The following IMMP2L variants were observed in gnomAD, a reference collection of about 807,000 sequenced individuals.
IMMP2L encodes mitochondrial inner membrane protease subunit 2.
Under a neutral mutation model 19.3 loss-of-function variants are expected in IMMP2L, and 18 were observed. The ratio of observed to expected loss-of-function variants is 0.93; its 90% CI spans 0.64 to 1.38. IMMP2L has a LOEUF of 1.38. Ranked by LOEUF, IMMP2L falls within the 40% of genes most tolerant of loss-of-function variation. The probability of loss-of-function intolerance (pLI) is 0.00; values close to 1 mark genes in which losing one functional copy is unlikely to be tolerated. For synonymous variants in IMMP2L, 76 were observed against 73.0 expected (o/e 1.04, Z -0.21); for missense variants, 233 against 218.2 (o/e 1.07, Z -0.43).
intron 2 of IMMP2L, among the ~76,000 whole-genome samples, chr7:111,497,889 C>A (rs1158629384): frequency 6.6e-6 from 1 of 151,452 alleles, no homozygotes; most frequent in Non-Finnish European, 1.5e-5. Flanking sequence ...TAATTTTTCA[C>A]TATTAGTATT....
intron 4 of IMMP2L, among the ~76,000 whole-genome samples, chr7:110,901,511 T>C (rs925239755): frequency 6.6e-6 from 1 of 152,138 alleles, no homozygotes; most frequent in Non-Finnish European, 1.5e-5. Context: ...GAGAGGTTAG[T>C]TTGTCAACAG....
At chr7:111,492,019 C>A (rs1843152672) in intron 2 of IMMP2L, among the ~76,000 whole-genome samples, 1 of 151,544 alleles carries the variant, frequency 6.6e-6, no homozygotes, top group Admixed American at 6.6e-5. Context: ...CTCATAAGAT[C>A]AAAAATCCCA....
At chr7:110,836,286 T>C (rs1804465963) in intron 5 of IMMP2L, among the ~76,000 whole-genome samples, 1 of 152,132 alleles carries the variant, frequency 6.6e-6, no homozygotes. Flanking sequence ...TTTACAAGTA[T>C]TGTCATAAAT....
rs142139084 is a variant in IMMP2L at position 111,124,625 on chromosome 7, A to C, written c.240-161060T>G. 3.4e-4 allele frequency: 542 copies of C among 1,614,022 alleles called. No individual in the cohort carries two copies. Among genetic ancestry groups the C allele is most frequent in the Non-Finnish European group, 4.3e-4 (509 of 1,180,004 alleles). On this transcript the variant is annotated intron_variant, in intron 3 of 5. Coordinates refer to ENST00000405709, the MANE Select transcript of IMMP2L (RefSeq NM_032549.4). ...ACCACCAAAGGTTTGCACCCTGATC[A>C]AAAAGAGTATGAAAAGAATAATACC...
intron 3 of IMMP2L, among the ~76,000 whole-genome samples, chr7:111,323,535 T>G (rs1032204702): frequency 6.6e-6 from 1 of 152,090 alleles, no homozygotes; most frequent in Admixed American, 6.6e-5. Flanking sequence ...ACTTTTACAC[T>G]GTTGGTAGGA....
chr7:111,037,606 G>A (rs914471829), intron 3 of IMMP2L, among the ~76,000 whole-genome samples: 1 of 152,098 alleles, frequency 6.6e-6, no homozygotes, highest in African/African-American at 2.4e-5. Context: ...AGGTAACTGT[G>A]AAATGACATT....
intron 1 of IMMP2L, among the ~76,000 whole-genome samples, chr7:111,556,379 T>C (rs1477365541): frequency 6.6e-6 from 1 of 152,050 alleles, no homozygotes; most frequent in Non-Finnish European, 1.5e-5. Flanking sequence ...AGTAACCATT[T>C]TACTATTTAC....
rs1227802184 is a variant in IMMP2L, at chr7:110,884,979, T to C, written c.408+1614A>G. 4.6e-5 allele frequency among the ~76,000 whole-genome samples: 7 copies of C among 152,146 alleles called. No individual in the cohort carries two copies. In the East Asian group the frequency reaches 1.3e-3, roughly 29 times the overall value. ...AAGATGAGTCAAAGTGGCTGCTCCA[T>C]TAGTGACAGCAGGAGTGTGCCCTCA... On this transcript the variant is annotated intron_variant, in intron 5 of 5. Coordinates refer to ENST00000405709, the MANE Select transcript of IMMP2L (RefSeq NM_032549.4).
rs200557685 is a variant in IMMP2L, at chr7:111,141,177, AT to A, written c.240-177613del. On this transcript the variant is annotated intron_variant, in intron 3 of 5. Coordinates refer to ENST00000405709, the MANE Select transcript of IMMP2L (RefSeq NM_032549.4). ...AAGAGAATCAATAAAATTAACTCAG[AT>A]TTTTTTTTTCTGGTGTTACCACCAA... Among the ~76,000 whole-genome samples the A allele has an allele frequency of 5.2e-4, 78 of 150,066 alleles. 1 individual carries two copies. In the South Asian group the frequency reaches 8.6e-3, roughly 17 times the overall value.
intron 3 of IMMP2L, among the ~76,000 whole-genome samples, chr7:111,258,200 T>C (rs2129640130): frequency 6.6e-6 from 1 of 152,282 alleles, no homozygotes; most frequent in South Asian, 2.1e-4. Flanking sequence ...TTATGCTTCC[T>C]GCTACCACAA....
chr7:110,693,093 G>T (rs1793626654), intron 5 of IMMP2L, among the ~76,000 whole-genome samples: 1 of 152,132 alleles, frequency 6.6e-6, no homozygotes, highest in South Asian at 2.1e-4. Flanking sequence ...AAGCATTTTG[G>T]TAACAAAATA....
At chr7:110,930,026 G>T (rs1168192273) in intron 4 of IMMP2L, among the ~76,000 whole-genome samples, 1 of 152,140 alleles carries the variant, frequency 6.6e-6, no homozygotes, top group Non-Finnish European at 1.5e-5. Context: ...CTCAGGAGAA[G>T]TAATCAGTTC....
At chr7:111,092,319 T>A (rs2129578036) in intron 3 of IMMP2L, among the ~76,000 whole-genome samples, 1 of 152,340 alleles carries the variant, frequency 6.6e-6, no homozygotes, top group South Asian at 2.1e-4. Flanking sequence ...TAAAGTACAT[T>A]TCCTATTTAA....
chr7:110,889,793 A>C (rs1474483000), intron 4 of IMMP2L, among the ~76,000 whole-genome samples: 1 of 152,228 alleles, frequency 6.6e-6, no homozygotes, highest in Non-Finnish European at 1.5e-5. Flanking sequence ...GCACAAGTTG[A>C]TGAAACTCTG....
chr7:111,231,150 C>A (rs149033946), intron 3 of IMMP2L, among the ~76,000 whole-genome samples: 266 of 151,900 alleles, frequency 1.8e-3, no homozygotes, highest in African/African-American at 5.3e-3. Flanking sequence ...TCTGCCTTTG[C>A]AAGTACTTAA....
At chr7:111,137,399 G>A (rs1015775932) in intron 3 of IMMP2L, among the ~76,000 whole-genome samples, 2 of 151,922 alleles carry the variant, frequency 1.3e-5, no homozygotes, top group African/African-American at 4.8e-5. Flanking sequence ...TCCTAATCAT[G>A]TCAAAAAAAA....
At chr7:110,809,524 T>C (rs1297815052) in intron 5 of IMMP2L, among the ~76,000 whole-genome samples, 1 of 151,978 alleles carries the variant, frequency 6.6e-6, no homozygotes, top group Non-Finnish European at 1.5e-5. Context: ...ATATATTGTA[T>C]TATCTTTATA....
intron 3 of IMMP2L, among the ~76,000 whole-genome samples, chr7:111,054,155 T>C (rs1294837398): frequency 6.6e-6 from 1 of 152,224 alleles, no homozygotes; most frequent in Non-Finnish European, 1.5e-5. Context: ...AAGATTTCTA[T>C]TTGATATATT....
chr7:111,524,367 GA>G (rs1254733290), intron 1 of IMMP2L, among the ~76,000 whole-genome samples: 1 of 152,108 alleles, frequency 6.6e-6, no homozygotes, highest in Admixed American at 6.6e-5. Flanking sequence ...CTACGTAGAA[GA>G]GAAAGGAAAC....
Sources: allele counts gnomAD v4.1 joint callset (sites outside exome capture counted in the v4.1 genomes callset), GRCh38; gene constraint gnomAD v4.1.1; transcripts MANE v1.5; gene names NCBI Gene and HGNC (gene_info 2026-07-23, HGNC 2026-07-21).